DIAPH2: variants seen among roughly 807,000 people sequenced by gnomAD.
DIAPH2 encodes the protein protein diaphanous homolog 2.
Under a neutral mutation model 92.7 loss-of-function variants are expected in DIAPH2, and 35 were observed. That is an observed-to-expected ratio of 0.38 (90% confidence interval 0.29 to 0.50). The LOEUF (loss-of-function observed/expected upper bound fraction) is 0.50. Among genes scored for constraint, DIAPH2 ranks in the 20% least tolerant of loss-of-function variants. DIAPH2 has a pLI of 0.94. For synonymous variants in DIAPH2, 301 were observed against 280.4 expected (o/e 1.07, Z -0.73); for missense variants, 701 against 819.5 (o/e 0.86, Z 1.77).
chrX:96,934,083 T>C (rs969006881), intron 10 of DIAPH2, among the ~76,000 whole-genome samples: 1 of 111,154 alleles, frequency 9.0e-6, no homozygotes, highest in African/African-American at 3.3e-5. Flanking sequence ...AGCGATCATA[T>C]ATTTAGAACC....
intron 23 of DIAPH2, among the ~76,000 whole-genome samples, chrX:97,319,391 C>CT (rs757762768): frequency 0.01 from 1,020 of 101,333 alleles, 6 homozygotes; most frequent in African/African-American, 0.016. Context: ...TAAAATTCCC[C>CT]TTTTTTTTTT....
chrX:96,791,876 G>A (rs1365723066), intron 4 of DIAPH2, among the ~76,000 whole-genome samples: 2 of 110,405 alleles, frequency 1.8e-5, no homozygotes, highest in East Asian at 2.9e-4. Flanking sequence ...TTTAGGAGGC[G>A]GCTGAAATTC....
At chrX:96,958,469 G>A (rs756337379) in intron 16 of DIAPH2, among the ~76,000 whole-genome samples, 36 of 111,657 alleles carry the variant, frequency 3.2e-4, no homozygotes, top group Non-Finnish European at 5.5e-4. Context: ...ATATTTGTAC[G>A]TATTTATGGG....
chrX:97,158,033 C>T (rs1021839983), intron 22 of DIAPH2, among the ~76,000 whole-genome samples: 1 of 111,196 alleles, frequency 9.0e-6, no homozygotes, highest in Non-Finnish European at 1.9e-5. Context: ...AAGTAAAATC[C>T]CAGTCAGTTT....
chrX:96,889,009 G>A (rs1042774132), intron 5 of DIAPH2, among the ~76,000 whole-genome samples: 2 of 110,990 alleles, frequency 1.8e-5, no homozygotes, highest in Non-Finnish European at 1.9e-5. Flanking sequence ...TGAATATTTT[G>A]ACTTTCTTTC....
chrX:97,348,073 T>C, intron 23 of DIAPH2, 43 bp from the exon 24 acceptor site: 1 of 1,178,511 alleles, frequency 8.5e-7, no homozygotes, highest in Non-Finnish European at 1.1e-6. Flanking sequence ...ATTGATTGCC[T>C]TTAAAAGGTA....
intron 7 of DIAPH2, 126 bp downstream of exon 7, chrX:96,912,678 G>A (rs1480627656): frequency 5.0e-6 from 4 of 806,646 alleles, no homozygotes; most frequent in Admixed American, 5.2e-5. Flanking sequence ...GTATATAGGC[G>A]AACATGTGCC....
intron 4 of DIAPH2, among the ~76,000 whole-genome samples, chrX:96,812,061 G>T (rs1181269621): frequency 1.3e-4 from 15 of 111,621 alleles, no homozygotes; most frequent in South Asian, 3.8e-4. Flanking sequence ...GATTCCCTCT[G>T]TTTCTATTGA....
chrX:96,710,038 A>G (rs2063908842), intron 1 of DIAPH2, among the ~76,000 whole-genome samples: 1 of 111,753 alleles, frequency 8.9e-6, no homozygotes, highest in South Asian at 3.7e-4. Flanking sequence ...CAAGTACGGT[A>G]CTTATCCAGG....
intron 23 of DIAPH2, among the ~76,000 whole-genome samples, chrX:97,321,740 G>A (rs761027664): frequency 4.6e-5 from 5 of 109,166 alleles, no homozygotes; most frequent in Admixed American, 3.0e-4. Flanking sequence ...TAGTAGAGAC[G>A]GGGTTTCACC....
chrX:97,343,377 C>T (rs1035649616), intron 23 of DIAPH2, among the ~76,000 whole-genome samples: 5 of 111,444 alleles, frequency 4.5e-5, no homozygotes, highest in African/African-American at 1.3e-4. Flanking sequence ...TTATAGAAGT[C>T]GCCAGAGGAA....
chrX:97,566,586 A>G (rs1336183170), intron 26 of DIAPH2, among the ~76,000 whole-genome samples: 1 of 112,154 alleles, frequency 8.9e-6, no homozygotes, highest in Admixed American at 9.5e-5. Context: ...ATGTGTTTGA[A>G]GGGCCTGCAC....
intron 26 of DIAPH2, among the ~76,000 whole-genome samples, chrX:97,578,825 A>G (rs1205512308): frequency 3.0e-4 from 5 of 16,926 alleles, no homozygotes; most frequent in African/African-American, 5.0e-4. Flanking sequence ...CATCCTCTCC[A>G]GCACCTGTTG....
intron 26 of DIAPH2, among the ~76,000 whole-genome samples, chrX:97,489,840 A>G (rs780785892): frequency 9.0e-6 from 1 of 111,562 alleles, no homozygotes; most frequent in South Asian, 3.7e-4. Context: ...TCGGTTTGCT[A>G]ATATTTTCTT....
intron 24 of DIAPH2, among the ~76,000 whole-genome samples, chrX:97,366,890 T>C (rs1474596324): frequency 8.9e-6 from 1 of 111,882 alleles, no homozygotes; most frequent in Non-Finnish European, 1.9e-5. Context: ...TTATGAGTGC[T>C]TAAGTATAAG....
chrX:96,723,679 TC>T lies in DIAPH2; in HGVS notation c.133-12077del, dbSNP rs1043836019. Reference sequence around the variant, plus strand: ...AAGAAAATGTAGTCGCAGAACTAACTCCATATGTTTCATCAGGGCTACGAAG... The same window carrying T: ...AAGAAAATGTAGTCGCAGAACTAACTCATATGTTTCATCAGGGCTACGAAG... On this transcript the variant is annotated intron_variant, in intron 1 of 26. Transcript: ENST00000324765. Among the ~76,000 whole-genome samples the T allele has an allele frequency of 3.6e-5, 4 of 111,938 alleles. No individual in the cohort carries two copies. In the Admixed American group the frequency reaches 3.8e-4, roughly 11 times the overall value.
chrX:97,572,947 G>A (rs1350779192), intron 26 of DIAPH2, among the ~76,000 whole-genome samples: 1 of 111,978 alleles, frequency 8.9e-6, no homozygotes, highest in East Asian at 2.8e-4. Context: ...GCCCAGCATG[G>A]ATCTTGGCCC....
At chrX:97,258,897 A>G (rs1279672033) in intron 23 of DIAPH2, among the ~76,000 whole-genome samples, 19 of 105,678 alleles carry the variant, frequency 1.8e-4, no homozygotes, top group Non-Finnish European at 2.5e-4. Flanking sequence ...AAAAACAACA[A>G]CAACAACAAC....
chrX:96,916,708 T>G, intron 8 of DIAPH2, 134 bp downstream of exon 8: 1 of 666,516 alleles, frequency 1.5e-6, no homozygotes, highest in East Asian at 4.3e-5. Context: ...ATTGAAATTT[T>G]TATCTTGCCT....
Sources: allele counts gnomAD v4.1 joint callset (sites outside exome capture counted in the v4.1 genomes callset), GRCh38; gene constraint gnomAD v4.1.1; transcripts MANE v1.5; gene names NCBI Gene and HGNC (gene_info 2026-07-23, HGNC 2026-07-21).